VTI1A: variants seen among roughly 807,000 people sequenced by gnomAD.
The protein encoded by VTI1A is vesicle transport through interaction with t-SNAREs homolog 1A.
Under a neutral mutation model 34.9 loss-of-function variants are expected in VTI1A, and 22 were observed. The observed-to-expected ratio is 0.63, with a 90% CI of 0.45 to 0.90. The LOEUF is 0.90. VTI1A is among the 40% of genes least tolerant of loss of function. The pLI is 0.00. For synonymous variants in VTI1A, 87 were observed against 97.3 expected (o/e 0.89, Z 0.62); for missense variants, 268 against 275.6 (o/e 0.97, Z 0.20).
At chr10:112,606,770 C>T (rs1157992736) in intron 5 of VTI1A, among the ~76,000 whole-genome samples, 6 of 152,148 alleles carry the variant, frequency 3.9e-5, no homozygotes. Flanking sequence ...AGGGAAGACT[C>T]ACTTTTCTGT....
chr10:112,783,697 T>C (rs555485895), intron 7 of VTI1A, among the ~76,000 whole-genome samples: 1 of 152,252 alleles, frequency 6.6e-6, no homozygotes, highest in East Asian at 1.9e-4. Flanking sequence ...TTATGAGACA[T>C]AATTTGATGG....
At chr10:112,590,346 A>G (rs1016826972) in intron 5 of VTI1A, among the ~76,000 whole-genome samples, 4 of 152,226 alleles carry the variant, frequency 2.6e-5, no homozygotes, top group Non-Finnish European at 4.4e-5. Context: ...AGATGGGCAG[A>G]TAGAATATCC....
chr10:112,648,119 A>G (rs1176376839), intron 5 of VTI1A, among the ~76,000 whole-genome samples: 2 of 152,232 alleles, frequency 1.3e-5, no homozygotes, highest in Non-Finnish European at 2.9e-5. Context: ...GAAATTACAC[A>G]TCAGTTACAC....
intron 7 of VTI1A, among the ~76,000 whole-genome samples, chr10:112,719,404 G>A (rs1312967331): frequency 6.6e-6 from 1 of 152,034 alleles, no homozygotes; most frequent in African/African-American, 2.4e-5. Flanking sequence ...GATCCTTATC[G>A]ATTATGTGCT....
chr10:112,840,390 G>A, the VTI1A span, among the ~76,000 whole-genome samples: 16 of 152,164 alleles, frequency 1.1e-4, no homozygotes, highest in South Asian at 2.1e-4. Context: ...AGGGCACACC[G>A]AAGGCTTCCC....
intron 5 of VTI1A, among the ~76,000 whole-genome samples, chr10:112,616,564 AT>A (rs1482528833): frequency 6.6e-6 from 1 of 152,190 alleles, no homozygotes; most frequent in African/African-American, 2.4e-5. Context: ...AGAAAAAAAA[AT>A]GACCATAAAT....
chr10:112,709,682 C>CCTTTTTTTTT (rs557189298), intron 7 of VTI1A, among the ~76,000 whole-genome samples: 1 of 70,256 alleles, frequency 1.4e-5, no homozygotes, highest in African/African-American at 6.5e-5. Flanking sequence ...CTCTATGTGG[C>CCTTTTTTTTT]TTTTTTTTTT....
intron 5 of VTI1A, among the ~76,000 whole-genome samples, chr10:112,642,977 C>CTTTT (rs58619611): frequency 3.9e-4 from 47 of 121,014 alleles, no homozygotes; most frequent in African/African-American, 6.6e-4. Context: ...TTTTTCTTTT[C>CTTTT]TTTTTTTTTT....
At chr10:112,597,411 T>A (rs1194747419) in intron 5 of VTI1A, among the ~76,000 whole-genome samples, 3 of 151,896 alleles carry the variant, frequency 2.0e-5, no homozygotes, top group Admixed American at 6.6e-5. Context: ...AGAGACAGGG[T>A]TTCTCCATGT....
At chr10:112,628,938 T>C (rs908828061) in intron 5 of VTI1A, among the ~76,000 whole-genome samples, 2 of 152,124 alleles carry the variant, frequency 1.3e-5, no homozygotes, top group African/African-American at 2.4e-5. Context: ...TAATTTTGGG[T>C]TCATTGACTC....
At chr10:112,801,536 G>T (rs1427485217) in intron 7 of VTI1A, among the ~76,000 whole-genome samples, 2 of 152,178 alleles carry the variant, frequency 1.3e-5, no homozygotes, top group African/African-American at 4.8e-5. Context: ...AGTGAGTCTA[G>T]CTAGTTCTTC....
the VTI1A span, among the ~76,000 whole-genome samples, chr10:112,844,041 G>A: frequency 6.6e-6 from 1 of 152,104 alleles, no homozygotes; most frequent in African/African-American, 2.4e-5. Context: ...ATAGGGCTTT[G>A]AGAGGCATTA....
At chr10:112,462,566 T>C (rs1481866539) in intron 2 of VTI1A, among the ~76,000 whole-genome samples, 1 of 152,258 alleles carries the variant, frequency 6.6e-6, no homozygotes, top group Non-Finnish European at 1.5e-5. Context: ...AATAATTTTC[T>C]TGCTAAGTAA....
chr10:112,759,450 A>C (rs575747650), intron 7 of VTI1A, among the ~76,000 whole-genome samples: 2 of 152,258 alleles, frequency 1.3e-5, no homozygotes, highest in East Asian at 1.9e-4. Context: ...AATAAAATCC[A>C]TTTCTTATTT....
intron 5 of VTI1A, among the ~76,000 whole-genome samples, chr10:112,630,192 A>G (rs539812854): frequency 6.6e-6 from 1 of 152,330 alleles, no homozygotes; most frequent in South Asian, 2.1e-4. Flanking sequence ...GCATATGCAT[A>G]ATATATTCTG....
chr10:112,687,926 C>T (rs147693408), intron 7 of VTI1A, among the ~76,000 whole-genome samples: 41 of 151,040 alleles, frequency 2.7e-4, no homozygotes, highest in African/African-American at 7.8e-4. Context: ...TGATATGGAA[C>T]CATCCTGGCC....
chr10:112,709,772 C>G lies in VTI1A; in HGVS notation c.560+40774C>G, dbSNP rs547285026. On this transcript the variant is annotated intron_variant, in intron 7 of 7. Coordinates refer to ENST00000393077, the MANE Select transcript of VTI1A (RefSeq NM_145206.4). ...GTGGCGCAGTCTTGGCTCACTGCGA[C>G]CTCTGCCTCCTGGGTTCAAGCAATT... Among the ~76,000 whole-genome samples the G allele has an allele frequency of 2.8e-5, 4 of 145,344 alleles. No homozygotes were observed. In the East Asian group the frequency reaches 8.3e-4, roughly 30 times the overall value.
downstream of VTI1A, among the ~76,000 whole-genome samples, chr10:112,818,927 G>C (rs1853598882): frequency 1.3e-5 from 2 of 152,042 alleles, no homozygotes; most frequent in African/African-American, 4.8e-5. Context: ...GTTTCATGTA[G>C]CGTCTTCCAC....
chr10:112,813,896 G>A (rs1422225163), intron 7 of VTI1A, among the ~76,000 whole-genome samples: 1 of 152,212 alleles, frequency 6.6e-6, no homozygotes, highest in Non-Finnish European at 1.5e-5. Flanking sequence ...CACTAAGGCA[G>A]TTTTGCGGAA....
Sources: gnomAD v4.1 joint callset for allele counts (sites outside exome capture counted in the v4.1 genomes callset) on GRCh38, gnomAD v4.1.1 for gene constraint, MANE v1.5 for transcripts, NCBI Gene and HGNC (gene_info 2026-07-23, HGNC 2026-07-21) for gene names.